Variants in LPAR1 observed in about 807,000 individuals in gnomAD.
The protein encoded by LPAR1 is LPA receptor 1.
A neutral mutation model predicts 23.8 loss-of-function variants in LPAR1; 5 were observed. The observed-to-expected ratio is 0.21, with a 90% CI of 0.11 to 0.44. LPAR1 has a LOEUF of 0.44. Ranked by LOEUF, LPAR1 falls within the 20% of genes least tolerant of loss-of-function variation. LPAR1 has a pLI of 0.99. For synonymous variants in LPAR1, 160 were observed against 164.7 expected, an observed-to-expected ratio of 0.97 and a Z score of 0.22; for missense variants, 311 against 482.8, an observed-to-expected ratio of 0.64 and a Z score of 3.33.
chr9:110,964,048 CT>C (rs2096102629), intron 4 of LPAR1, among the ~76,000 whole-genome samples: 1 of 152,192 alleles, frequency 6.6e-6, no homozygotes, highest in Non-Finnish European at 1.5e-5. Flanking sequence ...TCAAGATAAT[CT>C]GTAATCCCTT....
chr9:110,923,632 C>T (rs2093796086), intron 5 of LPAR1, among the ~76,000 whole-genome samples: 1 of 152,194 alleles, frequency 6.6e-6, no homozygotes, highest in Admixed American at 6.5e-5. Flanking sequence ...TGTAACCCCA[C>T]CGCTAAGTCA....
chr9:110,891,579 A>G (rs1246204177), intron 5 of LPAR1, among the ~76,000 whole-genome samples: 1 of 152,208 alleles, frequency 6.6e-6, no homozygotes, highest in South Asian at 2.1e-4. Flanking sequence ...ACAAAATCTA[A>G]CACATATTTT....
rs545251848 is a variant in LPAR1 at position 110,908,030 on chromosome 9, C to G, written c.794-32308G>C. Among the ~76,000 whole-genome samples the G allele has an allele frequency of 2.0e-5, 3 of 151,930 alleles. No individual in the cohort carries two copies. The South Asian group carries it at 6.2e-4, about 32-fold the overall frequency. On this transcript the variant is annotated intron_variant, in intron 5 of 5. Transcript: ENST00000683809. ...ACACTACAGAAGATGGAGGCTAAGGCTCATATCCATCCCAAATAATTCTGC... is the reference window on the plus strand; with the variant it reads ...ACACTACAGAAGATGGAGGCTAAGGGTCATATCCATCCCAAATAATTCTGC...
chr9:110,896,304 G>A (rs2086310032), intron 5 of LPAR1, among the ~76,000 whole-genome samples: 1 of 152,146 alleles, frequency 6.6e-6, no homozygotes, highest in Non-Finnish European at 1.5e-5. Context: ...ATTTATTCAG[G>A]TCATTTGTGG....
intron 5 of LPAR1, among the ~76,000 whole-genome samples, chr9:110,934,090 T>C (rs1306870273): frequency 6.6e-6 from 1 of 152,174 alleles, no homozygotes; most frequent in East Asian, 1.9e-4. Flanking sequence ...CTCATGGATA[T>C]TCGCTCAGGT....
chr9:110,898,611 G>A (rs1052173724), intron 5 of LPAR1, among the ~76,000 whole-genome samples: 2 of 152,172 alleles, frequency 1.3e-5, no homozygotes, highest in African/African-American at 4.8e-5. Flanking sequence ...GATGAAGACA[G>A]CTATGTTTAA....
intron 2 of LPAR1, among the ~76,000 whole-genome samples, chr9:110,985,347 A>T (rs1236489424): frequency 6.6e-6 from 1 of 152,114 alleles, no homozygotes; most frequent in Non-Finnish European, 1.5e-5. Flanking sequence ...CTTTTCCACA[A>T]ATAAGATCAG....
chr9:111,027,555 ATT>A (rs35663630), intron 2 of LPAR1, among the ~76,000 whole-genome samples: 194 of 151,676 alleles, frequency 1.3e-3, no homozygotes, highest in Non-Finnish European at 2.4e-3. Context: ...TAAAAATACA[ATT>A]TTTTTTAAGT....
At chr9:110,999,102 T>C (rs1192880351) in intron 2 of LPAR1, among the ~76,000 whole-genome samples, 1 of 152,162 alleles carries the variant, frequency 6.6e-6, no homozygotes, top group Non-Finnish European at 1.5e-5. Flanking sequence ...GTGAAATTAA[T>C]ATATCCCGCA....
intron 5 of LPAR1, among the ~76,000 whole-genome samples, chr9:110,935,369 T>A (rs2094629343): frequency 6.7e-6 from 1 of 149,822 alleles, no homozygotes. Context: ...TTTTTAGGGA[T>A]CCTTTCAAGT....
At chr9:110,922,739 T>C (rs2093713828) in intron 5 of LPAR1, among the ~76,000 whole-genome samples, 1 of 151,616 alleles carries the variant, frequency 6.6e-6, no homozygotes, top group Non-Finnish European at 1.5e-5. Flanking sequence ...GGAATATTAC[T>C]TAGGGATTAA....
intron 5 of LPAR1, among the ~76,000 whole-genome samples, chr9:110,904,321 C>G (rs2090465541): frequency 6.6e-6 from 1 of 152,010 alleles, no homozygotes; most frequent in Non-Finnish European, 1.5e-5. Context: ...CCATCTGATA[C>G]TCAAGACAAT....
intron 4 of LPAR1, 148 bp from the exon 5 acceptor site, chr9:110,942,316 ATT>A: frequency 1.5e-6 from 1 of 665,100 alleles, no homozygotes; most frequent in Non-Finnish European, 2.5e-6. Flanking sequence ...CCATCTTGTG[ATT>A]ATGTTGAAAC....
intron 2 of LPAR1, among the ~76,000 whole-genome samples, chr9:110,994,999 A>G (rs910520123): frequency 2.0e-5 from 3 of 152,222 alleles, no homozygotes; most frequent in Non-Finnish European, 2.9e-5. Flanking sequence ...AAGAAATATC[A>G]TAGTATTAGA....
At chr9:110,898,288 T>C (rs62573181) in intron 5 of LPAR1, among the ~76,000 whole-genome samples, 18,886 of 152,244 alleles carry the variant, frequency 0.12, 1,261 homozygotes, top group African/African-American at 0.14. Flanking sequence ...CCCAGTAGCT[T>C]TGGAATTACA....
At chr9:110,910,638 T>C (rs183621392) in intron 5 of LPAR1, among the ~76,000 whole-genome samples, 1 of 152,330 alleles carries the variant, frequency 6.6e-6, no homozygotes, top group East Asian at 1.9e-4. Context: ...AGTTGAAAAC[T>C]TTCTGGAAAG....
In LPAR1 at chr9:110,875,702, T is replaced by TCC. The variant is rs761314836; in HGVS notation, c.812_813dup (p.Thr272GlyfsTer10). The TCC allele has an allele frequency of 3.7e-6, 6 of 1,600,114 alleles. No homozygotes were observed. Among genetic ancestry groups the TCC allele is most frequent in the African/African-American group, 1.3e-5 (1 of 74,298 alleles). On this transcript the variant is annotated frameshift_variant, in exon 6 of 6. Transcript: ENST00000683809. LOFTEE classifies it high-confidence loss of function. Reference sequence around the variant, plus strand: ...AGAAGTAACAAAACCAATCCAGGAGTCCAGCAGATGATAAAGGCCCCTACA... The same window carrying TCC: ...AGAAGTAACAAAACCAATCCAGGAGTCCCCAGCAGATGATAAAGGCCCCTACA...
rs941646315 is a variant in LPAR1, at chr9:110,941,132, G to A, written c.793+289C>T. 1.3e-5 allele frequency among the ~76,000 whole-genome samples: 2 copies of A among 152,084 alleles called. No homozygotes were observed. Among genetic ancestry groups the A allele is most frequent in the African/African-American group, 4.8e-5 (2 of 41,412 alleles). On this transcript the variant is annotated intron_variant, in intron 5 of 5. Transcript: ENST00000683809. This position sits in a 1 kb window ranked among gnomAD's most constrained non-coding sequence, Gnocchi z 6.1. ...GTAAGAAAAATGAATGAGTTTGACTGGTAATTCTGGTATTTTCAATATTAG... is the reference window on the plus strand; with the variant it reads ...GTAAGAAAAATGAATGAGTTTGACTAGTAATTCTGGTATTTTCAATATTAG...
intron 2 of LPAR1, among the ~76,000 whole-genome samples, chr9:110,989,206 A>G (rs2096849658): frequency 6.6e-6 from 1 of 152,128 alleles, no homozygotes; most frequent in African/African-American, 2.4e-5. Context: ...GATTGGAGTG[A>G]TGATTGCACA....
Sources: gnomAD v4.1 joint callset for allele counts (sites outside exome capture counted in the v4.1 genomes callset) on GRCh38, gnomAD v4.1.1 for gene constraint, Gnocchi (gnomAD v3.1) non-coding constraint, MANE v1.5 for transcripts, NCBI Gene and HGNC (gene_info 2026-07-23, HGNC 2026-07-21) for gene names.